The following AGT variants were observed in gnomAD, a reference collection of about 807,000 sequenced individuals.
AGT encodes alpha-1 antiproteinase, antitrypsin.
AGT carries 26 observed loss-of-function variants against 28.1 expected under a neutral mutation model. The ratio of observed to expected loss-of-function variants is 0.92; its 90% CI spans 0.68 to 1.28. The LOEUF (loss-of-function observed/expected upper bound fraction) is 1.28, where lower values mean the gene tolerates loss of function less well. Ranked by LOEUF, AGT falls within the 50% of genes most tolerant of loss-of-function variation. The probability of loss-of-function intolerance (pLI) is 0.00; values close to 1 mark genes in which losing one functional copy is unlikely to be tolerated. For synonymous variants in AGT, 259 were observed against 259.6 expected (o/e 1.00, Z 0.02); for missense variants, 596 against 592.3 (o/e 1.01, Z -0.06).
chr1:230,734,405 A>G (rs952694922), intron 1 of AGT, among the ~76,000 whole-genome samples: 2 of 151,954 alleles, frequency 1.3e-5, no homozygotes, highest in African/African-American at 4.8e-5. Context: ...GAATGGGGAG[A>G]TTTTGCTTAA....
intron 1 of AGT, among the ~76,000 whole-genome samples, chr1:230,725,830 A>G (rs1302587786): frequency 6.6e-6 from 1 of 152,144 alleles, no homozygotes. Context: ...AAGGCTCCCA[A>G]CCAGAGCCAG....
At chr1:230,730,955 T>C (rs1664040973) in intron 1 of AGT, among the ~76,000 whole-genome samples, 1 of 152,206 alleles carries the variant, frequency 6.6e-6, no homozygotes, top group South Asian at 2.1e-4. Context: ...AGAGTAGTTA[T>C]GAATTAACCT....
intron 1 of AGT, among the ~76,000 whole-genome samples, chr1:230,728,681 C>T (rs1663997269): frequency 6.6e-6 from 1 of 152,190 alleles, no homozygotes. Context: ...TCTACGGCCT[C>T]ATTTTCATGC....
At chr1:230,712,251 C>G (rs1372293999) in intron 1 of AGT, among the ~76,000 whole-genome samples, 1 of 152,122 alleles carries the variant, frequency 6.6e-6, no homozygotes, top group Non-Finnish European at 1.5e-5. Flanking sequence ...CTAAGCATAC[C>G]CAGTCATTCT....
chr1:230,742,922 G>A (rs1290736365), intron 1 of AGT, among the ~76,000 whole-genome samples: 1 of 152,214 alleles, frequency 6.6e-6, no homozygotes, highest in Non-Finnish European at 1.5e-5. Flanking sequence ...TGGTAGCTCT[G>A]AGAGGTATTC....
chr1:230,718,056 A>G (rs992024249), upstream of AGT, among the ~76,000 whole-genome samples: 1 of 152,150 alleles, frequency 6.6e-6, no homozygotes, highest in Non-Finnish European at 1.5e-5. Flanking sequence ...CTCCTGCCTC[A>G]GTCTCCAGAG....
chr1:230,743,186 T>C (rs1664279737), intron 1 of AGT, among the ~76,000 whole-genome samples: 1 of 152,138 alleles, frequency 6.6e-6, no homozygotes, highest in South Asian at 2.1e-4. Context: ...AGTCAAGGTT[T>C]TACCATGTTG....
At position 230,732,952 on chromosome 1, in the gene AGT, A is replaced by G. The variant is rs116085511; in HGVS notation, c.-31+12563T>C. Among the ~76,000 whole-genome samples, 496 of 152,116 alleles carry G rather than the reference A, an allele frequency of 3.3e-3. 4 individuals carry two copies. The highest frequency in any genetic ancestry group is 0.01 in the African/African-American group (433 of 41,526). ...GCAGACAGGTACCTAAAACCATCCC[A>G]GGCACAGAGGACAAGCTTAAATAAC... On this transcript the variant is annotated intron_variant, in intron 1 of 4. Transcript: ENST00000681269.
rs375059623 is a variant in AGT, at chr1:230,724,800, C to T, written c.-30-13947G>A. Among the ~76,000 whole-genome samples the T allele has an allele frequency of 7.2e-5, 11 of 152,166 alleles. 1 individual carries two copies. Among genetic ancestry groups the T allele is most frequent in the African/African-American group, 2.2e-4 (9 of 41,512 alleles). ...ATGATCATGCCACTATACTTCAGTC[C>T]GGGTAACAGAGTAAGACATTGTCAC... On this transcript the variant is annotated intron_variant, in intron 1 of 4. Coordinates refer to the AGT transcript ENST00000681269.
chr1:230,720,705 C>G (rs145503781), intron 1 of AGT, among the ~76,000 whole-genome samples: 1 of 152,208 alleles, frequency 6.6e-6, no homozygotes, highest in Non-Finnish European at 1.5e-5. Context: ...GTCATGCCCA[C>G]CTTTGAGTAG....
chr1:230,733,256 G>A (rs907648442), intron 1 of AGT, among the ~76,000 whole-genome samples: 12 of 152,050 alleles, frequency 7.9e-5, no homozygotes, highest in African/African-American at 1.9e-4. Flanking sequence ...GCACTCCAGC[G>A]TGGGCAACAA....
rs1805090 is a variant in AGT at position 230,704,288 on chromosome 1, G to T, written c.1147C>A (p.Leu383Met). 1.9e-3 allele frequency: 3,075 copies of T among 1,614,244 alleles called. 6 individuals are homozygous for T. Among genetic ancestry groups the T allele is most frequent in the Non-Finnish European group, 2.3e-3 (2,745 of 1,180,050 alleles). Reference sequence around the variant, plus strand: ...TCAGCCTGGGCGAGCAGGTCCTGCAGGTCATAAGATCCTTGCAGCACCAGT... The same window carrying T: ...TCAGCCTGGGCGAGCAGGTCCTGCATGTCATAAGATCCTTGCAGCACCAGT... Reference protein sequence around the residue: ...PQLVLQGSYDLQDLLAQAELP... With the variant: ...PQLVLQGSYDMQDLLAQAELP... Residue 383 changes from leucine (L) to methionine (M), a missense_variant, in exon 4 of 5, where the codon CTG (leucine) becomes ATG (methionine). By Grantham distance (15) the Leu-to-Met change is conservative. Transcript: ENST00000366667.
At chr1:230,729,900 G>A (rs1371912711) in intron 1 of AGT, among the ~76,000 whole-genome samples, 12 of 152,060 alleles carry the variant, frequency 7.9e-5, no homozygotes, top group East Asian at 2.0e-4. Context: ...GGTGGCTCAC[G>A]CCTGTAATCC....
rs1663272582 is a variant in AGT at position 230,702,944 on chromosome 1, C to G, written c.*197G>C. On this transcript the variant is annotated 3_prime_UTR_variant, in exon 5 of 5. Transcript: ENST00000366667. Reference sequence around the variant, plus strand: ...GCATTTGTGCCGCTGCAGGCTTCTACTGCTCACTCCATGCAGCACACTTAG... The same window carrying G: ...GCATTTGTGCCGCTGCAGGCTTCTAGTGCTCACTCCATGCAGCACACTTAG... 6.4e-6 allele frequency: 4 copies of G among 623,216 alleles called. No individual in the cohort carries two copies. The highest frequency in any genetic ancestry group is 1.1e-5 in the Non-Finnish European group (4 of 360,558). 38.6% of individuals were successfully genotyped at this position (623,216 alleles called of 1,614,324 possible). A position where few individuals can be genotyped will look rare whatever the true frequency, so the allele number is the denominator to read the frequency against.
At chr1:230,714,521 A>G (rs1298003514), upstream of AGT, among the ~76,000 whole-genome samples, 1 of 152,130 alleles carries the variant, frequency 6.6e-6, no homozygotes, top group East Asian at 1.9e-4. Flanking sequence ...TGCAGAGGGC[A>G]GAGGGCAGGG....
chr1:230,706,019 C>A lies in AGT; in HGVS notation c.1011G>T (p.Gln337His), dbSNP rs369727853. The change falls in exon 3 of 5, where the codon CAG becomes CAT. Residue 337 changes from glutamine to histidine, a missense_variant. Transcript: ENST00000366667. ...TGTCCAGGTCAGAGGCATAGTGAGG[C>A]TGGATCAGCAGCAGGCAGGCGCTCT... The part of the protein sequence containing the change: ...FTESACLLLI[Q>H]PHYASDLDKV... 9.9e-6 allele frequency: 16 copies of A among 1,614,062 alleles called. No individual in the cohort carries two copies. The African/African-American group carries it at 2.1e-4, about 22-fold the overall frequency.
At position 230,703,235 on chromosome 1, in the gene AGT, G is replaced by T; in HGVS notation, c.1337C>A (p.Thr446Asn). 4 of 1,614,198 alleles carry T rather than the reference G, an allele frequency of 2.5e-6. No individual in the cohort carries two copies. In the South Asian group the frequency reaches 4.4e-5, roughly 18 times the overall value. Reference protein sequence around the residue: ...QLNKPEVLEVTLNRPFLFAVY... With the variant: ...QLNKPEVLEVNLNRPFLFAVY... ...AGCAAACAGGAATGGGCGGTTCAGGGTCACCTCCAAGACCTCAGGCTTGTT... is the reference window on the plus strand; with the variant it reads ...AGCAAACAGGAATGGGCGGTTCAGGTTCACCTCCAAGACCTCAGGCTTGTT... The change falls in exon 5 of 5, where the codon ACC becomes AAC. Residue 446 changes from threonine to asparagine, a missense_variant. Physicochemically the swap from Thr to Asn is moderately conservative, Grantham distance 65 (BLOSUM62 0). Transcript: ENST00000366667.
Position 230,706,162 on chromosome 1 carries a change from C to T in AGT, c.868G>A (p.Glu290Lys), listed in dbSNP as rs781549278. The stretch of plus-strand genomic sequence containing the variant: ...GAGGTGCTGTTGTCCACCCAGAACT[C>T]CTGGGGCTCGGCCAGCAGGGAGAAG... ...KGFSLLAEPQ[E>K]FWVDNSTSVS... Residue 290 changes from glutamate (E) to lysine (K), a missense_variant, in exon 3 of 5, where the codon GAG (glutamate) becomes AAG (lysine). Physicochemically the swap from Glu to Lys is moderately conservative, Grantham distance 56. Transcript: ENST00000366667. 1.2e-6 allele frequency: 2 copies of T among 1,613,912 alleles called. No individual in the cohort carries two copies. Among genetic ancestry groups the T allele is most frequent in the Non-Finnish European group, 1.7e-6 (2 of 1,179,844 alleles).
chr1:230,732,532 C>A (rs1359758197), intron 1 of AGT, among the ~76,000 whole-genome samples: 1 of 152,140 alleles, frequency 6.6e-6, no homozygotes, highest in African/African-American at 2.4e-5. Context: ...TTTTGACTCT[C>A]CCCAAACTCA....
Sources: gnomAD v4.1 joint callset for allele counts (sites outside exome capture counted in the v4.1 genomes callset) on GRCh38, gnomAD v4.1.1 for gene constraint, MANE v1.5 for transcripts, NCBI Gene and HGNC (gene_info 2026-07-23, HGNC 2026-07-21) for gene names.